Variants in TOM1 observed in about 807,000 individuals in gnomAD.
TOM1 encodes the protein target of Myb protein 1.
TOM1 carries 38 observed loss-of-function variants against 61.3 expected under a neutral mutation model. The ratio of observed to expected loss-of-function variants is 0.62; its 90% CI spans 0.48 to 0.81. The LOEUF is 0.81. TOM1 is among the 40% of genes least tolerant of loss of function. The pLI, the probability that TOM1 is intolerant of heterozygous loss-of-function variation, is 0.00. For synonymous variants in TOM1, 270 were observed against 268.8 expected (o/e 1.00, Z -0.04); for missense variants, 591 against 659.6 (o/e 0.90, Z 1.14).
chr22:35,323,564 G>A lies in TOM1; in HGVS notation c.435G>A (p.Arg145=), dbSNP rs751999436. Reference sequence around the variant, plus strand: ...TGGTCACCATCTATGAGGACCTGCGGAGGAAAGGCCTGGAGTTCCCCATGA... The same window carrying A: ...TGGTCACCATCTATGAGGACCTGCGAAGGAAAGGCCTGGAGTTCCCCATGA... ...TGVVTIYEDL[R]RKGLEFPMTD... The change falls in exon 5 of 15, where the codon CGG becomes CGA. Residue 145 remains arginine, a synonymous_variant. Coordinates refer to ENST00000449058, the MANE Select transcript of TOM1 (RefSeq NM_005488.3). The surrounding 1 kb of genome is among the most constrained non-coding windows in gnomAD (Gnocchi z 4.2). 1.2e-6 allele frequency: 2 copies of A among 1,614,168 alleles called. No individual in the cohort carries two copies. The highest frequency in any genetic ancestry group is 1.7e-6 in the Non-Finnish European group (2 of 1,180,030).
upstream of TOM1, chr22:35,299,799 C>A (rs534260501): frequency 1.1e-4 from 115 of 1,050,902 alleles, no homozygotes; most frequent in East Asian, 2.8e-3. Context: ...GGCTTGTGGT[C>A]GAGCTTCGCG....
At chr22:35,312,545 T>G (rs1926925382) in intron 1 of TOM1, among the ~76,000 whole-genome samples, 2 of 152,228 alleles carry the variant, frequency 1.3e-5, no homozygotes, top group Admixed American at 1.3e-4. Flanking sequence ...GAATCTGCTG[T>G]GCATCTCACA....
Position 35,323,544 on chromosome 22 carries a change from A to G in TOM1, c.415A>G (p.Thr139Ala). 6.2e-7 allele frequency: 1 copy of G among 1,614,116 alleles called. No individual in the cohort carries two copies. Among genetic ancestry groups the G allele is most frequent in the Non-Finnish European group, 8.5e-7 (1 of 1,180,024 alleles). ...RSSPDLTGVV[T>A]IYEDLRRKGL... ...CTCGCCCGATCTGACAGGTGTGGTC[A>G]CCATCTATGAGGACCTGCGGAGGAA... Residue 139 changes from threonine (T) to alanine (A), a missense_variant, in exon 5 of 15, where the codon ACC becomes GCC. By Grantham distance (58) the Thr-to-Ala change is moderately conservative. Coordinates refer to ENST00000449058, the MANE Select transcript of TOM1 (RefSeq NM_005488.3). The surrounding 1 kb of genome is among the most constrained non-coding windows in gnomAD (Gnocchi z 4.2).
At chr22:35,331,887 CAA>C (rs887489610) in intron 8 of TOM1, among the ~76,000 whole-genome samples, 1 of 140,620 alleles carries the variant, frequency 7.1e-6, no homozygotes, top group Non-Finnish European at 1.6e-5. Context: ...GACTCCATCT[CAA>C]AAAAAAAAAG....
chr22:35,317,076 G>C (rs368995430), intron 1 of TOM1, among the ~76,000 whole-genome samples: 22 of 152,318 alleles, frequency 1.4e-4, no homozygotes, highest in African/African-American at 4.8e-4. Context: ...CTAGGAAGAG[G>C]GGGCTGGGGC....
intron 2 of TOM1, among the ~76,000 whole-genome samples, chr22:35,321,000 A>AAAAG (rs1181162681): frequency 6.6e-6 from 1 of 150,472 alleles, no homozygotes; most frequent in East Asian, 2.0e-4. Flanking sequence ...AAAAAAAAAA[A>AAAAG]ACTTGAATGG....
chr22:35,339,764 C>T (rs999374138), intron 12 of TOM1, among the ~76,000 whole-genome samples: 6 of 151,640 alleles, frequency 4.0e-5, no homozygotes, highest in African/African-American at 9.7e-5. Context: ...ATTAGCCGGG[C>T]GTGGTGGCGG....
intron 1 of TOM1, among the ~76,000 whole-genome samples, chr22:35,312,761 G>A (rs545638842): frequency 1.6e-4 from 25 of 152,336 alleles, no homozygotes; most frequent in Admixed American, 1.2e-3. Flanking sequence ...GCTCAGAGGC[G>A]TGAGAGGGCA....
At chr22:35,345,684 G>C (rs755182744) in intron 12 of TOM1, 41 bp from the exon 13 acceptor site, 1 of 1,607,364 alleles carries the variant, frequency 6.2e-7, no homozygotes, top group East Asian at 2.2e-5. Flanking sequence ...CTTCCACCTT[G>C]TCACCTAGGG....
chr22:35,305,961 T>A (rs887755397), intron 1 of TOM1, among the ~76,000 whole-genome samples: 1 of 152,162 alleles, frequency 6.6e-6, no homozygotes, highest in Non-Finnish European at 1.5e-5. Flanking sequence ...TAAATACTTG[T>A]GGCTTCGTGA....
intron 6 of TOM1, among the ~76,000 whole-genome samples, chr22:35,325,413 A>G (rs1453226864): frequency 2.0e-5 from 3 of 152,252 alleles, no homozygotes; most frequent in African/African-American, 7.2e-5. Context: ...CTAACTGGAC[A>G]AAATTATTAA....
chr22:35,327,701 G>A (rs1221723347), intron 7 of TOM1, among the ~76,000 whole-genome samples: 1 of 152,212 alleles, frequency 6.6e-6, no homozygotes, highest in African/African-American at 2.4e-5. Flanking sequence ...ACGCAGGCTT[G>A]TGCCTGGTAC....
chr22:35,333,816 C>T (rs1204459229), intron 10 of TOM1, among the ~76,000 whole-genome samples: 1 of 152,154 alleles, frequency 6.6e-6, no homozygotes, highest in Non-Finnish European at 1.5e-5. Flanking sequence ...CCTCTCTTTC[C>T]TCCTCTTTAA....
intron 11 of TOM1, among the ~76,000 whole-genome samples, chr22:35,338,020 C>G (rs1257451658): frequency 6.6e-6 from 1 of 152,214 alleles, no homozygotes; most frequent in African/African-American, 2.4e-5. Context: ...GAGACTTAAC[C>G]TCACACACAA....
At chr22:35,342,667 C>G (rs1345565798) in intron 12 of TOM1, among the ~76,000 whole-genome samples, 1 of 151,732 alleles carries the variant, frequency 6.6e-6, no homozygotes, top group African/African-American at 2.4e-5. Context: ...CCGGTGGGTA[C>G]CACAATACCT....
At position 35,317,865 on chromosome 22, in the gene TOM1, G is replaced by C. The variant is rs753067853; in HGVS notation, c.53-12G>C. The C allele has an allele frequency of 1.2e-6, 2 of 1,613,182 alleles. No homozygotes were observed. Among genetic ancestry groups the C allele is most frequent in the East Asian group, 2.2e-5 (1 of 44,882 alleles). On this transcript the variant is annotated splice_polypyrimidine_tract_variant and intron_variant, in intron 1 of 14. Coordinates refer to ENST00000449058, the MANE Select transcript of TOM1 (RefSeq NM_005488.3). ...CCCCCTCATGACTTTATGACTCCTG[G>C]TTTCTTCTCAGAGAAAGCCACAGAT...
At chr22:35,310,796 C>T (rs553732419) in intron 1 of TOM1, among the ~76,000 whole-genome samples, 1 of 152,274 alleles carries the variant, frequency 6.6e-6, no homozygotes, top group South Asian at 2.1e-4. Flanking sequence ...GAGCTATAAC[C>T]GCCACCCTTA....
intron 12 of TOM1, among the ~76,000 whole-genome samples, chr22:35,343,557 C>T (rs1209765245): frequency 3.0e-5 from 4 of 135,162 alleles, no homozygotes; most frequent in African/African-American, 1.1e-4. Context: ...CCACACACAC[C>T]TACACACACC....
chr22:35,332,933 G>T, intron 8 of TOM1, 48 bp from the exon 9 acceptor site: 1 of 1,603,560 alleles, frequency 6.2e-7, no homozygotes, highest in Non-Finnish European at 8.5e-7. Context: ...CGTGTGTGGG[G>T]GCCTGTCTCA....
Sources: gnomAD v4.1 joint callset for allele counts (sites outside exome capture counted in the v4.1 genomes callset) on GRCh38, gnomAD v4.1.1 for gene constraint, Gnocchi (gnomAD v3.1) non-coding constraint, MANE v1.5 for transcripts, NCBI Gene and HGNC (gene_info 2026-07-23, HGNC 2026-07-21) for gene names.